TRMT44: variants seen among roughly 807,000 people sequenced by gnomAD.
TRMT44 encodes the protein tRNA methyltransferase 44 homolog.
Under a neutral mutation model 77.3 loss-of-function variants are expected in TRMT44, and 78 were observed. The ratio of observed to expected loss-of-function variants is 1.01; its 90% CI spans 0.84 to 1.22. The LOEUF (loss-of-function observed/expected upper bound fraction) is 1.22. Ranked by LOEUF, TRMT44 falls within the 50% of genes most tolerant of loss-of-function variation. TRMT44 has a pLI of 0.00. For synonymous variants in TRMT44, 391 were observed against 383.3 expected (o/e 1.02, Z -0.23); for missense variants, 1,090 against 964.4 (o/e 1.13, Z -1.73).
chr4:8,442,173 A>T (rs561433297), intron 1 of TRMT44, among the ~76,000 whole-genome samples: 23 of 152,218 alleles, frequency 1.5e-4, no homozygotes, highest in Non-Finnish European at 2.6e-4. Context: ...GAACATCATG[A>T]CAATAAGAAG....
At chr4:8,472,068 C>CT (rs914106065) in intron 10 of TRMT44, among the ~76,000 whole-genome samples, 1 of 150,860 alleles carries the variant, frequency 6.6e-6, no homozygotes, top group Non-Finnish European at 1.5e-5. Context: ...AGCTAGCATG[C>CT]TATTTCACCC....
chr4:8,498,234 C>G (rs1031793567), downstream of TRMT44, among the ~76,000 whole-genome samples: 3 of 152,112 alleles, frequency 2.0e-5, no homozygotes, highest in Non-Finnish European at 4.4e-5. This position sits in a 1 kb window ranked among gnomAD's most constrained non-coding sequence, Gnocchi z 4.3. Context: ...TGATTTGCAC[C>G]CTGTGCACTG....
At chr4:8,466,624 T>C (rs577688144) in intron 8 of TRMT44, among the ~76,000 whole-genome samples, 42 of 152,244 alleles carry the variant, frequency 2.8e-4, no homozygotes, top group Non-Finnish European at 5.9e-4. Flanking sequence ...GTCTTGGTCT[T>C]CTGAGTTCAG....
chr4:8,440,976 C>T lies in TRMT44; in HGVS notation c.154C>T (p.Pro52Ser), dbSNP rs1724629230. ...RLEARWSAALPCAEARGPGTS... is the reference protein window; with the variant it reads ...RLEARWSAALSCAEARGPGTS... ...GGAGGCCCGCTGGAGCGCCGCCCTGCCCTGCGCGGAGGCCCGCGGCCCCGG... is the reference window on the plus strand; with the variant it reads ...GGAGGCCCGCTGGAGCGCCGCCCTGTCCTGCGCGGAGGCCCGCGGCCCCGG... Residue 52 changes from proline to serine, a missense_variant, in exon 1 of 11, where the codon CCC (proline) becomes TCC (serine). By Grantham distance (74) the Pro-to-Ser change is moderately conservative. Transcript: ENST00000389737. 6.6e-7 allele frequency: 1 copy of T among 1,526,648 alleles called. No homozygotes were observed. The highest frequency in any genetic ancestry group is 2.5e-5 in the East Asian group (1 of 40,468). The allele number at this position is 1,526,648 out of a possible 1,614,324, so 94.6% of individuals were successfully genotyped here.
intron 9 of TRMT44, among the ~76,000 whole-genome samples, chr4:8,469,767 C>T (rs1191919059): frequency 1.3e-5 from 2 of 152,236 alleles, no homozygotes; most frequent in African/African-American, 4.8e-5. Context: ...CTTGGCCTCT[C>T]AGCCCACTGC....
At chr4:8,488,463 G>T (rs1302360302) in intron 2 of TRMT44, among the ~76,000 whole-genome samples, 1 of 152,206 alleles carries the variant, frequency 6.6e-6, no homozygotes, top group African/African-American at 2.4e-5. Context: ...AGTGGGGGTC[G>T]CAAGGTGCTC....
intron 8 of TRMT44, among the ~76,000 whole-genome samples, chr4:8,466,546 G>A (rs1052641183): frequency 6.6e-6 from 1 of 152,258 alleles, no homozygotes; most frequent in Non-Finnish European, 1.5e-5. Flanking sequence ...CCCTGCTACC[G>A]TGGGAAGTTA....
intron 2 of TRMT44, among the ~76,000 whole-genome samples, chr4:8,449,437 G>A (rs1050348749): frequency 6.6e-6 from 1 of 152,174 alleles, no homozygotes; most frequent in African/African-American, 2.4e-5. Flanking sequence ...CAGGGGCTTC[G>A]CAGTGTGTAA....
At chr4:8,505,575 C>T in the TRMT44 span, among the ~76,000 whole-genome samples, 61 of 152,302 alleles carry the variant, frequency 4.0e-4, 1 homozygote, top group African/African-American at 1.5e-3. Context: ...TGTGCCTGCC[C>T]TCCGCTGCAC....
rs146646171 is a variant in TRMT44 at position 8,468,103 on chromosome 4, G to A, written c.1684G>A (p.Ala562Thr). 33 of 1,613,914 alleles carry A rather than the reference G, an allele frequency of 2.0e-5. No homozygotes were observed. Among genetic ancestry groups the A allele is most frequent in the Non-Finnish European group, 2.5e-5 (29 of 1,179,996 alleles). ...GHCDGQQALD[A>T]RVGCVTRAWA... is the part of the protein sequence containing the mutation. ...CTGTGACGGTCAGCAAGCTCTGGAC[G>A]CCAGGGTCGGGTGTGTAACCAGGGC... The change falls in exon 9 of 11, where the codon GCC becomes ACC. Residue 562 changes from alanine (A) to threonine (T), a missense_variant. Coordinates refer to ENST00000389737, the MANE Select transcript of TRMT44 (RefSeq NM_152544.3).
chr4:8,485,934 G>A (rs576014526), intron 2 of TRMT44, among the ~76,000 whole-genome samples: 25 of 152,274 alleles, frequency 1.6e-4, no homozygotes, highest in South Asian at 4.2e-4. Context: ...GGTAGCCCCC[G>A]TATCGATTAA....
chr4:8,502,192 T>C, the TRMT44 span, among the ~76,000 whole-genome samples: 1 of 152,206 alleles, frequency 6.6e-6, no homozygotes, highest in African/African-American at 2.4e-5. Context: ...CAGAATACTC[T>C]GCCAGGAATG....
chr4:8,441,949 A>C (rs1162678186), intron 1 of TRMT44, among the ~76,000 whole-genome samples: 7 of 152,272 alleles, frequency 4.6e-5, no homozygotes, highest in Non-Finnish European at 1.5e-5. Flanking sequence ...AAAGGGAGAC[A>C]GTGCATCATA....
Position 8,468,350 on chromosome 4 carries a change from AG to A in TRMT44, c.1927+5del. The A allele has an allele frequency of 6.2e-7, 1 of 1,613,872 alleles. No individual in the cohort carries two copies. Among genetic ancestry groups the A allele is most frequent in the East Asian group, 2.2e-5 (1 of 44,882 alleles). ...TTGAAGACCTGGAATGGGGGAGGTA[AG>A]CTGTCCACCATCTTAGGGAGGGGCT... is the stretch of plus-strand genomic sequence containing the variant. On this transcript the variant is annotated splice_donor_5th_base_variant and intron_variant, in intron 9 of 10. Coordinates refer to ENST00000389737, the MANE Select transcript of TRMT44 (RefSeq NM_152544.3).
intron 1 of TRMT44, among the ~76,000 whole-genome samples, chr4:8,442,520 C>T (rs10031818): frequency 0.12 from 17,774 of 152,208 alleles, 1,222 homozygotes; most frequent in South Asian, 0.2. Flanking sequence ...AATTGATTGT[C>T]TCAGTTCTGT....
At chr4:8,509,831 G>A in the TRMT44 span, 3 of 152,278 alleles carry the variant, frequency 2.0e-5, no homozygotes, top group African/African-American at 4.8e-5. Flanking sequence ...ACGGGGAAGC[G>A]AGAGCAGCGG....
At chr4:8,441,875 G>C (rs1724737645) in intron 1 of TRMT44, among the ~76,000 whole-genome samples, 1 of 152,186 alleles carries the variant, frequency 6.6e-6, no homozygotes, top group African/African-American at 2.4e-5. Context: ...TGGGAGCTCT[G>C]GTCTCCACAC....
the TRMT44 span, chr4:8,510,664 A>G: frequency 6.6e-6 from 1 of 152,444 alleles, no homozygotes; most frequent in African/African-American, 2.4e-5. Context: ...GTGTCAGGGG[A>G]AGAGGGCCCG....
chr4:8,466,568 G>A (rs16842333), intron 8 of TRMT44, among the ~76,000 whole-genome samples: 19,668 of 152,262 alleles, frequency 0.13, 1,934 homozygotes, highest in African/African-American at 0.27. Flanking sequence ...CTTAGGACTC[G>A]CTGCTGAACC....
Sources: allele counts gnomAD v4.1 joint callset (sites outside exome capture counted in the v4.1 genomes callset), GRCh38; gene constraint gnomAD v4.1.1; non-coding constraint Gnocchi (gnomAD v3.1); transcripts MANE v1.5; gene names NCBI Gene and HGNC (gene_info 2026-07-23, HGNC 2026-07-21).